Variants in HIPK2 observed in about 807,000 individuals in gnomAD.
The protein encoded by HIPK2 is homeodomain-interacting protein kinase 2.
In HIPK2, 27 loss-of-function variants were observed where a neutral mutation model predicts 113.7. That is an observed-to-expected ratio of 0.24 (90% CI 0.17 to 0.33). HIPK2 has a LOEUF of 0.33. Among genes scored for constraint, HIPK2 ranks in the 10% least tolerant of loss-of-function variants. HIPK2 has a pLI of 1.00. For synonymous variants in HIPK2, 631 were observed against 642.2 expected (o/e 0.98, Z 0.26); for missense variants, 1,257 against 1,588.0 (o/e 0.79, Z 3.54).
At chr7:139,666,703 T>C (rs1254045780) in intron 2 of HIPK2, among the ~76,000 whole-genome samples, 1 of 152,168 alleles carries the variant, frequency 6.6e-6, no homozygotes, top group Admixed American at 6.5e-5. Flanking sequence ...AGTGCTGATA[T>C]AACAAAAAGA....
intron 2 of HIPK2, among the ~76,000 whole-genome samples, chr7:139,648,656 C>A (rs949487038): frequency 2.0e-5 from 3 of 152,322 alleles, no homozygotes; most frequent in Non-Finnish European, 4.4e-5. Flanking sequence ...GGTTCCATCA[C>A]TTCCTACCGA....
At position 139,657,318 on chromosome 7, in the gene HIPK2, C is replaced by G. The variant is rs115435870; in HGVS notation, c.1104-25593G>C. ...ACGTCAGTCAGAGTCGTCTGTTAGA[C>G]AGCATTCATCTACCATCCTAGGTAG... On this transcript the variant is annotated intron_variant, in intron 2 of 14. Coordinates refer to ENST00000406875, the MANE Select transcript of HIPK2 (RefSeq NM_022740.5). Among the ~76,000 whole-genome samples, 601 of 152,350 alleles carry G rather than the reference C, an allele frequency of 3.9e-3. 3 individuals are homozygous for G. The highest frequency in any genetic ancestry group is 0.014 in the African/African-American group (593 of 41,584).
Position 139,716,504 on chromosome 7 carries a change from G to A in HIPK2, c.531C>T (p.Gly177=), listed in dbSNP as rs780043806. 6.2e-7 allele frequency: 1 copy of A among 1,614,042 alleles called. No homozygotes were observed. Among genetic ancestry groups the A allele is most frequent in the Non-Finnish European group, 8.5e-7 (1 of 1,179,904 alleles). ...GCTGATAGTCGCCCTCGCTGTTGGA[G>A]CCGCTGTTTTTGGAGGTGGCAGTAG... ...TTSTATSKNS[G]SNSEGDYQLV... is the part of the protein sequence containing the mutation. The change falls in exon 2 of 15, where the codon GGC becomes GGT. Residue 177 remains glycine, a synonymous_variant. Transcript: ENST00000406875. This position sits in a 1 kb window ranked among gnomAD's most constrained non-coding sequence, Gnocchi z 9.3.
At chr7:139,715,509 G>A (rs916003590) in intron 2 of HIPK2, among the ~76,000 whole-genome samples, 12 of 152,226 alleles carry the variant, frequency 7.9e-5, no homozygotes, top group Non-Finnish European at 1.8e-4. Context: ...GTTCCAACCA[G>A]GCTTTCACTC....
intron 2 of HIPK2, among the ~76,000 whole-genome samples, chr7:139,632,648 T>C (rs937446984): frequency 1.3e-5 from 2 of 152,058 alleles, no homozygotes; most frequent in African/African-American, 4.8e-5. Flanking sequence ...TCACAGGGAG[T>C]TGGTAATCAA....
chr7:139,682,512 C>T (rs1802740288), intron 2 of HIPK2, among the ~76,000 whole-genome samples: 1 of 152,168 alleles, frequency 6.6e-6, no homozygotes, highest in Non-Finnish European at 1.5e-5. Flanking sequence ...TTCCCTCATC[C>T]CTCCCGCTGC....
intron 6 of HIPK2, among the ~76,000 whole-genome samples, chr7:139,623,721 A>G (rs763466626): frequency 6.6e-6 from 1 of 152,106 alleles, no homozygotes; most frequent in Non-Finnish European, 1.5e-5. Context: ...CCCACTATCC[A>G]TGGTGGTGCC....
intron 2 of HIPK2, among the ~76,000 whole-genome samples, chr7:139,668,103 G>A (rs1326743668): frequency 7.8e-4 from 115 of 147,842 alleles, no homozygotes; most frequent in African/African-American, 2.8e-3. Flanking sequence ...TCCAGCCTGG[G>A]TGACAAGCGC....
At chr7:139,722,247 C>A (rs868568046) in intron 1 of HIPK2, among the ~76,000 whole-genome samples, 4 of 152,152 alleles carry the variant, frequency 2.6e-5, no homozygotes, top group Admixed American at 1.3e-4. Context: ...ACCTATAAAA[C>A]TGACATTAAA....
chr7:139,753,743 G>A (rs149603564), intron 1 of HIPK2, among the ~76,000 whole-genome samples: 6 of 152,338 alleles, frequency 3.9e-5, no homozygotes, highest in South Asian at 2.1e-4. Flanking sequence ...GCGTCTCTGC[G>A]AGGGCAGGCG....
chr7:139,620,254 G>T, intron 7 of HIPK2, 147 bp downstream of exon 7: 1 of 1,211,838 alleles, frequency 8.3e-7, no homozygotes, highest in Non-Finnish European at 1.1e-6. Context: ...GTCCCTCAAA[G>T]GAAATAACCT....
At chr7:139,735,972 C>G (rs1262159755) in intron 1 of HIPK2, among the ~76,000 whole-genome samples, 1 of 152,170 alleles carries the variant, frequency 6.6e-6, no homozygotes, top group Non-Finnish European at 1.5e-5. Context: ...GTTGAGGGCT[C>G]TGCATTGCAG....
At chr7:139,670,909 C>T (rs899030043) in intron 2 of HIPK2, among the ~76,000 whole-genome samples, 2 of 151,412 alleles carry the variant, frequency 1.3e-5, no homozygotes, top group African/African-American at 2.4e-5. Flanking sequence ...TACAGGCCTG[C>T]GCCACCATGC....
At position 139,592,576 on chromosome 7, in the gene HIPK2, C is replaced by T. The variant is rs143672648; in HGVS notation, c.2717+4141G>A. Among the ~76,000 whole-genome samples, 542 of 152,196 alleles carry T rather than the reference C, an allele frequency of 3.6e-3. 1 individual carries two copies. Among genetic ancestry groups the T allele is most frequent in the Middle Eastern group, 6.8e-3 (2 of 294 alleles). On this transcript the variant is annotated intron_variant, in intron 12 of 14. Coordinates refer to ENST00000406875, the MANE Select transcript of HIPK2 (RefSeq NM_022740.5). Reference sequence around the variant, plus strand: ...ACATAGTGAGACACTGTCTCTAGTTCTTACAAAAATAAAAAAAGAAATTAC... The same window carrying T: ...ACATAGTGAGACACTGTCTCTAGTTTTTACAAAAATAAAAAAAGAAATTAC...
rs536253795 is a variant in HIPK2 at position 139,591,964 on chromosome 7, C to T, written c.2717+4753G>A. On this transcript the variant is annotated intron_variant, in intron 12 of 14. Coordinates refer to ENST00000406875, the MANE Select transcript of HIPK2 (RefSeq NM_022740.5). ...TCCCACTTTGGGCTTTTTGCCCATGCAATAATAAATGAGTGTGTGTGGTTT... is the reference window on the plus strand; with the variant it reads ...TCCCACTTTGGGCTTTTTGCCCATGTAATAATAAATGAGTGTGTGTGGTTT... Among the ~76,000 whole-genome samples the T allele has an allele frequency of 2.0e-4, 31 of 152,306 alleles. No homozygotes were observed. The East Asian group carries it at 3.1e-3, about 15-fold the overall frequency.
rs1795941936 is a variant in HIPK2 at position 139,736,474 on chromosome 7, G to A, written c.20-19459C>T. 2.0e-5 allele frequency among the ~76,000 whole-genome samples: 3 copies of A among 152,276 alleles called. No individual in the cohort carries two copies. In the South Asian group the frequency reaches 6.2e-4, roughly 32 times the overall value. ...GGGTGGCCAAGGTGCTTCCCTGAGGGAACTCCCACAGCAGGACGCGGAGAG... is the reference window on the plus strand; with the variant it reads ...GGGTGGCCAAGGTGCTTCCCTGAGGAAACTCCCACAGCAGGACGCGGAGAG... On this transcript the variant is annotated intron_variant, in intron 1 of 14. Transcript: ENST00000406875.
At chr7:139,680,239 C>T (rs555037356) in intron 2 of HIPK2, among the ~76,000 whole-genome samples, 1 of 152,336 alleles carries the variant, frequency 6.6e-6, no homozygotes, top group South Asian at 2.1e-4. Flanking sequence ...CAGCCTGGCT[C>T]CTCCTGTCCC....
At chr7:139,600,755 C>T (rs943911872) in intron 10 of HIPK2, 159 bp from the exon 11 acceptor site, 16 of 305,526 alleles carry the variant, frequency 5.2e-5, no homozygotes, top group South Asian at 1.3e-4. Context: ...GTGTGCTCAA[C>T]GGGTGGGTTT....
At chr7:139,706,835 CAA>C (rs1794912787) in intron 2 of HIPK2, among the ~76,000 whole-genome samples, 1 of 152,242 alleles carries the variant, frequency 6.6e-6, no homozygotes, top group South Asian at 2.1e-4. Context: ...GTGGGAAGGA[CAA>C]AGAGTGACGT....
Sources: gnomAD v4.1 joint callset for allele counts (sites outside exome capture counted in the v4.1 genomes callset) on GRCh38, gnomAD v4.1.1 for gene constraint, Gnocchi (gnomAD v3.1) non-coding constraint, MANE v1.5 for transcripts, NCBI Gene and HGNC (gene_info 2026-07-23, HGNC 2026-07-21) for gene names.